Variants in PLAGL1 observed in about 807,000 individuals in gnomAD.
The protein encoded by PLAGL1 is PLAG1 like zinc finger 1.
Under a neutral mutation model 4.6 loss-of-function variants are expected in PLAGL1, and 1 was observed. The ratio of observed to expected loss-of-function variants is 0.22; its 90% CI spans 0.08 to 1.03. The LOEUF is 1.03. Among genes scored for constraint, PLAGL1 ranks in the 50% least tolerant of loss-of-function variants. The pLI is 0.58. For synonymous variants in PLAGL1, 240 were observed against 237.8 expected, an observed-to-expected ratio of 1.01 and a Z score of -0.08; for missense variants, 464 against 570.4, an observed-to-expected ratio of 0.81 and a Z score of 1.90.
chr6:144,058,511 A>C (rs1379485274), intron 1 of PLAGL1, among the ~76,000 whole-genome samples: 1 of 152,128 alleles, frequency 6.6e-6, no homozygotes, highest in Admixed American at 6.5e-5. Flanking sequence ...ACAGTCCATT[A>C]AATTCCTAAC....
chr6:144,007,000 G>C lies in PLAGL1; in HGVS notation c.-584+1090C>G, dbSNP rs970319409. On this transcript the variant is annotated intron_variant, in intron 1 of 7. Transcript: ENST00000674357. This position sits in a 1 kb window ranked among gnomAD's most constrained non-coding sequence, Gnocchi z 4.3. The stretch of plus-strand genomic sequence containing the variant: ...AATGACTTTACGACCCACTAAAATG[G>C]ACTTCAAATTCTGAAAAACATTGTT... The C allele has an allele frequency of 2.0e-5, 3 of 152,120 alleles. No homozygotes were observed. The highest frequency in any genetic ancestry group is 1.5e-5 in the Non-Finnish European group (1 of 68,028). The allele number at this position is 152,120 out of a possible 1,614,324, so 9.4% of individuals were successfully genotyped here.
intron 1 of PLAGL1, among the ~76,000 whole-genome samples, chr6:144,018,185 A>G (rs1236901043): frequency 2.0e-5 from 3 of 152,276 alleles, no homozygotes; most frequent in East Asian, 3.8e-4. Context: ...TATAGTCTAT[A>G]TAGTCTCAAA....
Position 143,952,109 on chromosome 6 carries a change from G to A in PLAGL1, c.-324-3649C>T, listed in dbSNP as rs1027654195. On this transcript the variant is annotated intron_variant, in intron 6 of 7. Transcript: ENST00000674357. This position sits in a 1 kb window ranked among gnomAD's most constrained non-coding sequence, Gnocchi z 6.1. ...GGTCAAAGCTTAGCTATTAAAAAAC[G>A]ACAACAACAACAACAACAACTGTGG... Among the ~76,000 whole-genome samples the A allele has an allele frequency of 3.3e-5, 5 of 151,840 alleles. No homozygotes were observed. Among genetic ancestry groups the A allele is most frequent in the Non-Finnish European group, 2.9e-5 (2 of 67,972 alleles).
In PLAGL1 at chr6:144,056,162, G is replaced by A. The variant is rs1173993029; in HGVS notation, c.-151+8306C>T. ...CTGCTTTATATCTTTTAACACATTC[G>A]CTTTTTTAAAAAAGCCTATTTTTCA... On this transcript the variant is annotated intron_variant, in intron 1 of 3. Transcript: ENST00000437412. The surrounding 1 kb of genome is among the most constrained non-coding windows in gnomAD (Gnocchi z 4.7). Among the ~76,000 whole-genome samples the A allele has an allele frequency of 6.9e-6, 1 of 145,128 alleles. No homozygotes were observed. The highest frequency in any genetic ancestry group is 3.2e-3 in the Middle Eastern group (1 of 310).
In PLAGL1 at chr6:143,972,570, C is replaced by T. The variant is rs751741630; in HGVS notation, c.-543-3592G>A. Among the ~76,000 whole-genome samples the T allele has an allele frequency of 1.3e-5, 2 of 152,028 alleles. No individual in the cohort carries two copies. The highest frequency in any genetic ancestry group is 2.9e-5 in the Non-Finnish European group (2 of 68,026). ...GACACACACTTCCAGTTACAATATC[C>T]CAAGAATATAAATATTTTAAAATAA... is the stretch of plus-strand genomic sequence containing the variant. On this transcript the variant is annotated intron_variant, in intron 2 of 7. Transcript: ENST00000674357. This position sits in a 1 kb window ranked among gnomAD's most constrained non-coding sequence, Gnocchi z 6.8.
Position 143,945,183 on chromosome 6 carries a change from C to T in PLAGL1, c.153-2520G>A, listed in dbSNP as rs1027385880. ...TCTCATCCTATAGCTGAAATTACTT[C>T]AACGACTTGTTTCTTTCCCTCAGTT... On this transcript the variant is annotated intron_variant, in intron 7 of 7. Transcript: ENST00000674357. This position sits in a 1 kb window ranked among gnomAD's most constrained non-coding sequence, Gnocchi z 4.2. Among the ~76,000 whole-genome samples, 2 of 152,184 alleles carry T rather than the reference C, an allele frequency of 1.3e-5. No individual in the cohort carries two copies. Among genetic ancestry groups the T allele is most frequent in the Non-Finnish European group, 2.9e-5 (2 of 68,030 alleles).
intron 1 of PLAGL1, among the ~76,000 whole-genome samples, chr6:144,045,700 T>C (rs947814925): frequency 1.3e-5 from 2 of 152,198 alleles, no homozygotes; most frequent in African/African-American, 4.8e-5. Context: ...ATCTTTGTGG[T>C]GTTCTCTGTA....
At chr6:144,003,076 A>G (rs1160900452) in intron 1 of PLAGL1, among the ~76,000 whole-genome samples, 2 of 152,206 alleles carry the variant, frequency 1.3e-5, no homozygotes, top group Non-Finnish European at 2.9e-5. Flanking sequence ...AATTAGTCCA[A>G]GTGGAAAGAA....
chr6:143,985,232 A>G lies in PLAGL1; in HGVS notation c.-583-58T>C, dbSNP rs1041767913. 2 of 152,242 alleles carry G rather than the reference A, an allele frequency of 1.3e-5. No homozygotes were observed. Among genetic ancestry groups the G allele is most frequent in the African/African-American group, 2.4e-5 (1 of 41,472 alleles). 9.4% of individuals were successfully genotyped at this position (152,242 alleles called of 1,614,324 possible). A position where few individuals can be genotyped will look rare whatever the true frequency, so the allele number is the denominator to read the frequency against. ...ATAATATTTGCACATGCATTTGTTA[A>G]TTATAATTTTGAGATCACTGTAGGT... On this transcript the variant is annotated intron_variant, in intron 1 of 7. Transcript: ENST00000674357. The surrounding 1 kb of genome is among the most constrained non-coding windows in gnomAD (Gnocchi z 4.4).
chr6:143,978,428 G>T lies in PLAGL1; in HGVS notation c.-544+6707C>A, dbSNP rs1252304136. On this transcript the variant is annotated intron_variant, in intron 2 of 7. Transcript: ENST00000674357. The surrounding 1 kb of genome is among the most constrained non-coding windows in gnomAD (Gnocchi z 4.6). ...TCTTGAGATTTTTCTTTGATCCATG[G>T]GTTATTTAGAAGCATACTGTTTAAT... 6.6e-6 allele frequency among the ~76,000 whole-genome samples: 1 copy of T among 151,820 alleles called. No homozygotes were observed. The highest frequency in any genetic ancestry group is 1.5e-5 in the Non-Finnish European group (1 of 67,944).
At position 144,036,930 on chromosome 6, in the gene PLAGL1, T is replaced by G. The variant is rs774690636; in HGVS notation, c.-151+27538A>C. ...CATTGCTGTGATGAATTATATGCCC[T>G]GGAGAGAGGCAGAAAGTGATTACAC... On this transcript the variant is annotated intron_variant, in intron 1 of 3. Coordinates refer to the PLAGL1 transcript ENST00000437412. The surrounding 1 kb of genome is among the most constrained non-coding windows in gnomAD (Gnocchi z 5.1). 5.2e-6 allele frequency: 1 copy of G among 193,734 alleles called. No homozygotes were observed. The highest frequency in any genetic ancestry group is 1.1e-5 in the Non-Finnish European group (1 of 92,312). 12.0% of individuals were successfully genotyped at this position (193,734 alleles called of 1,614,324 possible). A position where few individuals can be genotyped will look rare whatever the true frequency, so the allele number is the denominator to read the frequency against.
Position 143,952,400 on chromosome 6 carries a change from T to C in PLAGL1, c.-324-3940A>G, listed in dbSNP as rs1781256719. Among the ~76,000 whole-genome samples, 1 of 152,200 alleles carries C rather than the reference T, an allele frequency of 6.6e-6. No individual in the cohort carries two copies. Among genetic ancestry groups the C allele is most frequent in the South Asian group, 2.1e-4 (1 of 4,830 alleles). ...GGTGCTATTTCAACACCTGTCACCC[T>C]AGAAAGATAGTAAGTCTTACCCCAA... On this transcript the variant is annotated intron_variant, in intron 6 of 7. Coordinates refer to ENST00000674357, the MANE Select transcript of PLAGL1 (RefSeq NM_001317162.2). The surrounding 1 kb of genome is among the most constrained non-coding windows in gnomAD (Gnocchi z 6.1).
chr6:143,992,631 C>A (rs1347271695), intron 1 of PLAGL1, among the ~76,000 whole-genome samples: 1 of 152,198 alleles, frequency 6.6e-6, no homozygotes, highest in African/African-American at 2.4e-5. Flanking sequence ...TTTGCCTCTG[C>A]TAGTTCAGGA....
Position 144,019,718 on chromosome 6 carries a change from G to A in PLAGL1, c.-151+44750C>T, listed in dbSNP as rs536832608. On this transcript the variant is annotated intron_variant, in intron 1 of 3. Transcript: ENST00000437412. The stretch of plus-strand genomic sequence containing the variant: ...CTATATTACTGAATCTAAGTGGGGG[G>A]GTAGGGGAGCACATTGTACTGTTCT... 7.2e-5 allele frequency among the ~76,000 whole-genome samples: 11 copies of A among 151,826 alleles called. 1 individual carries two copies. In the South Asian group the frequency reaches 2.3e-3, roughly 32 times the overall value.
At chr6:143,943,135 A>G (rs994479853) in intron 7 of PLAGL1, among the ~76,000 whole-genome samples, 1 of 150,278 alleles carries the variant, frequency 6.7e-6, no homozygotes, top group Non-Finnish European at 1.5e-5. Context: ...AAGTGTTGGG[A>G]TTACAGACAA....
intron 1 of PLAGL1, chr6:144,037,161 A>G (rs1332059098): frequency 1.3e-5 from 2 of 153,762 alleles, no homozygotes; most frequent in Non-Finnish European, 2.9e-5. Flanking sequence ...TGCTGTGACC[A>G]GAGGACCACT....
chr6:144,009,951 C>T (rs1179131029), upstream of PLAGL1, among the ~76,000 whole-genome samples: 2 of 152,162 alleles, frequency 1.3e-5, no homozygotes, highest in Non-Finnish European at 2.9e-5. Context: ...CAAGTCTTTG[C>T]TATTGTGAAT....
intron 1 of PLAGL1, chr6:144,007,688 A>T (rs913957075): frequency 5.9e-5 from 9 of 152,212 alleles, no homozygotes; most frequent in African/African-American, 2.2e-4. Context: ...TATTTTCCAT[A>T]AGAGACGAAA....
In PLAGL1 at chr6:143,949,587, C is replaced by A. The variant is rs189331280; in HGVS notation, c.-324-1127G>T. ...GGGTAAAGCCCTGGATCACTACCAC[C>A]CTGTGCTATTCTAGAGAGAGATTTT... On this transcript the variant is annotated intron_variant, in intron 6 of 7. Coordinates refer to ENST00000674357, the MANE Select transcript of PLAGL1 (RefSeq NM_001317162.2). This position sits in a 1 kb window ranked among gnomAD's most constrained non-coding sequence, Gnocchi z 5.3. 7.2e-5 allele frequency among the ~76,000 whole-genome samples: 11 copies of A among 152,202 alleles called. No individual in the cohort carries two copies. The highest frequency in any genetic ancestry group is 1.0e-4 in the Non-Finnish European group (7 of 68,032).
Sources: allele counts gnomAD v4.1 joint callset (sites outside exome capture counted in the v4.1 genomes callset), GRCh38; gene constraint gnomAD v4.1.1; non-coding constraint Gnocchi (gnomAD v3.1); transcripts MANE v1.5; gene names NCBI Gene and HGNC (gene_info 2026-07-23, HGNC 2026-07-21).